The following ECSCR variants were observed in gnomAD, a reference collection of about 807,000 sequenced individuals.
ECSCR encodes endothelial cell surface expressed chemotaxis and apoptosis regulator.
ECSCR carries 12 observed loss-of-function variants against 16.7 expected under a neutral mutation model. The ratio of observed to expected loss-of-function variants is 0.72; its 90% CI spans 0.46 to 1.17. ECSCR has a LOEUF of 1.17. Ranked by LOEUF, ECSCR falls within the 50% of genes most tolerant of loss-of-function variation. The pLI, the probability that ECSCR is intolerant of heterozygous loss-of-function variation, is 0.00. For missense variants in ECSCR, 122 were observed against 116.1 expected (o/e 1.05, Z -0.23); for synonymous variants, 44 against 42.2 (o/e 1.04, Z -0.17).
intron 1 of ECSCR, 107 bp downstream of exon 1, chr5:139,462,503 G>A: frequency 1.7e-6 from 2 of 1,179,116 alleles, no homozygotes; most frequent in Non-Finnish European, 1.2e-6. Context: ...TTTCCCCTGG[G>A]CACAGCCCCT....
chr5:139,455,281 TA>T, intron 6 of ECSCR, 41 bp downstream of exon 6: 1 of 398,060 alleles, frequency 2.5e-6, no homozygotes, highest in Non-Finnish European at 4.4e-6. Flanking sequence ...ATTCCAGGGG[TA>T]GGGGTTCCTC....
intron 8 of ECSCR, among the ~76,000 whole-genome samples, chr5:139,453,961 G>A (rs1010487853): frequency 1.4e-5 from 2 of 147,946 alleles, no homozygotes; most frequent in Non-Finnish European, 3.0e-5. Context: ...GGGTGTGTGT[G>A]TAGTGTGGGA....
chr5:139,462,662 G>A lies in ECSCR; in HGVS notation c.9C>T (p.Thr3=), dbSNP rs749724916. The A allele has an allele frequency of 2.4e-4, 387 of 1,589,180 alleles. No homozygotes were observed. Among genetic ancestry groups the A allele is most frequent in the East Asian group, 1.6e-3 (68 of 43,590 alleles). The change falls in exon 1 of 10, where the codon ACC becomes ACT. Residue 3 remains threonine, a synonymous_variant. Coordinates refer to ENST00000618155, the MANE Select transcript of ECSCR (RefSeq NM_001077693.4). MG[T]AGAMQLCWVI... is the part of the protein sequence containing the mutation. ...CCCAGCACAGCTGCATGGCTCCTGC[G>A]GTGCCCATGTCAGCTGGGTATGTGG...
At chr5:139,450,081 G>C (rs770743279) in intron 8 of ECSCR, among the ~76,000 whole-genome samples, 1 of 152,050 alleles carries the variant, frequency 6.6e-6, no homozygotes, top group Non-Finnish European at 1.5e-5. Context: ...TTTTAGTAGA[G>C]ACTGGGTTTC....
At chr5:139,462,569 C>T (rs1254409576) in intron 1 of ECSCR, 41 bp downstream of exon 1, 23 of 1,565,140 alleles carry the variant, frequency 1.5e-5, no homozygotes, top group African/African-American at 5.4e-5. Context: ...TGGCCAGCTG[C>T]GGAGAGGAAT....
At chr5:139,457,949 A>G (rs1751196461) in intron 2 of ECSCR, 142 bp from the exon 3 acceptor site, 1 of 1,196,802 alleles carries the variant, frequency 8.4e-7, no homozygotes. Context: ...TTTTCTTTCA[A>G]GGTACATTAG....
intron 4 of ECSCR, 22 bp downstream of exon 4, chr5:139,457,523 T>G (rs1160257591): frequency 2.6e-6 from 2 of 782,094 alleles, no homozygotes; most frequent in Admixed American, 1.7e-5. Flanking sequence ...GGATGGCATT[T>G]GTAGTCTGAA....
At chr5:139,450,646 C>T (rs1257643026) in intron 8 of ECSCR, among the ~76,000 whole-genome samples, 2 of 151,600 alleles carry the variant, frequency 1.3e-5, no homozygotes, top group Non-Finnish European at 2.9e-5. Context: ...TGTGGTGGCT[C>T]ATGCCTGTAG....
chr5:139,448,937 G>A, intron 9 of ECSCR, 29 bp from the exon 10 acceptor site: 1 of 1,537,246 alleles, frequency 6.5e-7, no homozygotes, highest in Non-Finnish European at 8.7e-7. Context: ...ATGGGGAAGG[G>A]TGAACTTTTT....
chr5:139,455,083 G>A (rs1479547066), intron 6 of ECSCR, among the ~76,000 whole-genome samples, 160 bp from the exon 7 acceptor site: 2 of 149,058 alleles, frequency 1.3e-5, no homozygotes, highest in Admixed American at 6.7e-5. Flanking sequence ...CAGCCTGCCC[G>A]CCCCCTAGCC....
At chr5:139,458,655 C>T (rs563073211) in intron 1 of ECSCR, among the ~76,000 whole-genome samples, 2 of 151,128 alleles carry the variant, frequency 1.3e-5, no homozygotes, top group South Asian at 2.1e-4. Context: ...AAGACTAGCC[C>T]GGCCAACATG....
At chr5:139,449,246 G>A in intron 8 of ECSCR, 72 bp from the exon 9 acceptor site, 1 of 1,138,648 alleles carries the variant, frequency 8.8e-7, no homozygotes, top group Non-Finnish European at 1.3e-6. Flanking sequence ...GAACTGTGAG[G>A]TTGTTGAGCC....
At chr5:139,452,256 GGGTATATGTGTAT>G (rs1751072934) in intron 8 of ECSCR, among the ~76,000 whole-genome samples, 1 of 138,722 alleles carries the variant, frequency 7.2e-6, no homozygotes, top group African/African-American at 2.7e-5. Context: ...TGGGGTGTGT[GGGTATATGTGTAT>G]AGTGTGGGGT....
chr5:139,462,677 T>C lies in ECSCR; in HGVS notation c.-7A>G. On this transcript the variant is annotated 5_prime_UTR_variant, in exon 1 of 10. Coordinates refer to ENST00000618155, the MANE Select transcript of ECSCR (RefSeq NM_001077693.4). ...TGGCTCCTGCGGTGCCCATGTCAGC[T>C]GGGTATGTGGCGGGCAGGCAGCAGC... The C allele has an allele frequency of 6.8e-7, 1 of 1,470,408 alleles. No individual in the cohort carries two copies. Among genetic ancestry groups the C allele is most frequent in the Non-Finnish European group, 9.1e-7 (1 of 1,097,004 alleles). 91.1% of individuals were successfully genotyped at this position (1,470,408 alleles called of 1,614,324 possible).
At chr5:139,462,247 G>A (rs1189829378) in intron 1 of ECSCR, among the ~76,000 whole-genome samples, 3 of 152,108 alleles carry the variant, frequency 2.0e-5, no homozygotes, top group Non-Finnish European at 4.4e-5. Context: ...AGTGGCCGTC[G>A]TCAGCCCTGC....
chr5:139,451,497 GGTGTGTGGTGTGA>G (rs1751047056), intron 8 of ECSCR, among the ~76,000 whole-genome samples: 1 of 147,154 alleles, frequency 6.8e-6, no homozygotes. Context: ...GGTTTGGGTG[GGTGTGTGGTGTGA>G]GTGTGTATAG....
Position 139,455,561 on chromosome 5 carries a change from CTG to C in ECSCR, c.263-127_263-126del, listed in dbSNP as rs1438466979. On this transcript the variant is annotated intron_variant, in intron 5 of 9. Coordinates refer to ENST00000618155, the MANE Select transcript of ECSCR (RefSeq NM_001077693.4). ...TATGCTGCAGAGCTAGGAGGTCAGA[CTG>C]GGCAAAATAGAGCTGTCTGTATTGT... 5.2e-5 allele frequency: 20 copies of C among 385,860 alleles called. No individual in the cohort carries two copies. The South Asian group carries it at 7.3e-4, about 14-fold the overall frequency. 23.9% of individuals were successfully genotyped at this position (385,860 alleles called of 1,614,324 possible).
At position 139,462,584 on chromosome 5, in the gene ECSCR, A is replaced by G. The variant is rs1009847397; in HGVS notation, c.61+26T>C. 9 of 1,585,896 alleles carry G rather than the reference A, an allele frequency of 5.7e-6. No individual in the cohort carries two copies. In the Admixed American group the frequency reaches 9.0e-5, roughly 16 times the overall value. Reference sequence around the variant, plus strand: ...TGGCCAGCTGCGGAGAGGAATTGCCATGGGAAAGCGGCAGGCACCTCTTAC... The same window carrying G: ...TGGCCAGCTGCGGAGAGGAATTGCCGTGGGAAAGCGGCAGGCACCTCTTAC... On this transcript the variant is annotated intron_variant, in intron 1 of 9. Transcript: ENST00000618155.
At chr5:139,462,559 T>C in intron 1 of ECSCR, 51 bp downstream of exon 1, 2 of 1,541,478 alleles carry the variant, frequency 1.3e-6, no homozygotes, top group Non-Finnish European at 1.8e-6. Context: ...ATGCCTAGAA[T>C]GGCCAGCTGC....
Sources: gnomAD v4.1 joint callset for allele counts (sites outside exome capture counted in the v4.1 genomes callset) on GRCh38, gnomAD v4.1.1 for gene constraint, MANE v1.5 for transcripts, NCBI Gene and HGNC (gene_info 2026-07-23, HGNC 2026-07-21) for gene names.